Variants in GCC2 observed in about 807,000 individuals in gnomAD.
The protein encoded by GCC2 is GRIP and coiled-coil domain-containing protein 2.
A neutral mutation model predicts 210.6 loss-of-function variants in GCC2; 120 were observed. The observed-to-expected ratio is 0.57, with a 90% CI of 0.49 to 0.66. The LOEUF (loss-of-function observed/expected upper bound fraction) is 0.66, where lower values mean the gene tolerates loss of function less well. Ranked by LOEUF, GCC2 falls within the 30% of genes least tolerant of loss-of-function variation. The pLI is 0.00. For synonymous variants in GCC2, 703 were observed against 652.7 expected, an observed-to-expected ratio of 1.08 and a Z score of -1.17; for missense variants, 1,868 against 1,871.9, an observed-to-expected ratio of 1.00 and a Z score of 0.04.
At chr2:108,507,236 AC>A (rs1683236340) in intron 22 of GCC2, among the ~76,000 whole-genome samples, 1 of 149,514 alleles carries the variant, frequency 6.7e-6, no homozygotes, top group African/African-American at 2.4e-5. Flanking sequence ...CACAAAAAAA[AC>A]AAAAAATTAC....
At chr2:108,500,083 A>G (rs1348102213) in intron 22 of GCC2, among the ~76,000 whole-genome samples, 2 of 152,026 alleles carry the variant, frequency 1.3e-5, no homozygotes, top group African/African-American at 2.4e-5. Context: ...TTTAAAAAAC[A>G]TTTATTAGCT....
intron 9 of GCC2, among the ~76,000 whole-genome samples, chr2:108,476,905 C>T (rs1012483766): frequency 6.6e-6 from 1 of 151,790 alleles, no homozygotes; most frequent in Non-Finnish European, 1.5e-5. Context: ...GGTAATCAGG[C>T]GGGATTTGAT....
rs894451722 is a variant in GCC2 at position 108,471,897 on chromosome 2, C to T, written c.2568C>T (p.Ala856=). The T allele has an allele frequency of 1.9e-6, 3 of 1,603,646 alleles. No homozygotes were observed. Among genetic ancestry groups the T allele is most frequent in the Non-Finnish European group, 8.5e-7 (1 of 1,176,346 alleles). ...AAGAAATACAGTCAGAAAAAGAGGC[C>T]CTGCAGTCTGATCTTCTAGAAATGA... is the stretch of plus-strand genomic sequence containing the variant. ...ELEEIQSEKE[A]LQSDLLEMKN... is the part of the protein sequence containing the mutation. The change falls in exon 6 of 23, where the codon GCC becomes GCT. Residue 856 remains alanine, a synonymous_variant. Coordinates refer to ENST00000309863, the MANE Select transcript of GCC2 (RefSeq NM_181453.4).
chr2:108,506,058 A>T (rs1243340942), intron 22 of GCC2, among the ~76,000 whole-genome samples: 2 of 152,102 alleles, frequency 1.3e-5, no homozygotes, highest in Admixed American at 6.6e-5. Flanking sequence ...TCACACAAAA[A>T]CCTATGCACA....
At chr2:108,486,043 A>T in intron 15 of GCC2, 135 bp downstream of exon 15, 1 of 567,858 alleles carries the variant, frequency 1.8e-6, no homozygotes, top group Non-Finnish European at 3.1e-6. Context: ...TACAACAATA[A>T]ATCAAGTCTG....
chr2:108,487,189 T>A (rs889910014), intron 16 of GCC2, among the ~76,000 whole-genome samples: 4 of 152,202 alleles, frequency 2.6e-5, no homozygotes, highest in Admixed American at 6.5e-5. Flanking sequence ...CTGAGTTAAT[T>A]TTTCTCAAAT....
intron 3 of GCC2, 55 bp from the exon 4 acceptor site, chr2:108,452,344 C>T: frequency 5.5e-6 from 5 of 906,474 alleles, no homozygotes. Context: ...ATCAGTTTCC[C>T]AGTAATTATG....
At chr2:108,450,073 C>T (rs1679845521) in intron 2 of GCC2, 1 of 184,994 alleles carries the variant, frequency 5.4e-6, no homozygotes, top group South Asian at 1.2e-4. Context: ...TTTTATGGCC[C>T]TGTACAATGT....
At chr2:108,477,228 T>C (rs1681588110) in intron 9 of GCC2, among the ~76,000 whole-genome samples, 1 of 152,160 alleles carries the variant, frequency 6.6e-6, no homozygotes, top group Non-Finnish European at 1.5e-5. Flanking sequence ...GTTACAGTAA[T>C]GTGGTAGAAT....
Position 108,483,186 on chromosome 2 carries a change from T to A in GCC2, c.3450+20T>A, listed in dbSNP as rs769829080. The A allele has an allele frequency of 9.1e-7, 1 of 1,094,574 alleles. No homozygotes were observed. Among genetic ancestry groups the A allele is most frequent in the Non-Finnish European group, 1.4e-6 (1 of 713,464 alleles). The allele number at this position is 1,094,574 out of a possible 1,614,324, so 67.8% of individuals were successfully genotyped here. A position where few individuals can be genotyped will look rare whatever the true frequency, so the allele number is the denominator to read the frequency against. ...AAAAAGGTAAAATAAAACACTAGGA[T>A]CAAAATTGATGTAATATTCACATTG... is the stretch of plus-strand genomic sequence containing the variant. On this transcript the variant is annotated intron_variant, in intron 12 of 22. Coordinates refer to ENST00000309863, the MANE Select transcript of GCC2 (RefSeq NM_181453.4).
Position 108,471,121 on chromosome 2 carries a change from G to T in GCC2, c.1792G>T (p.Asp598Tyr). ...AAATTCTCTTACTGAGGAAAAAGAT[G>T]ATTTTATAAATAAACTGAAAAATTC... ...KINSLTEEKD[D>Y]FINKLKNSHE... The change falls in exon 6 of 23, where the codon GAT (aspartate) becomes TAT (tyrosine). Residue 598 changes from aspartate (D) to tyrosine (Y), a missense_variant. Coordinates refer to ENST00000309863, the MANE Select transcript of GCC2 (RefSeq NM_181453.4). The T allele has an allele frequency of 6.3e-7, 1 of 1,587,536 alleles. No individual in the cohort carries two copies. The highest frequency in any genetic ancestry group is 1.1e-5 in the South Asian group (1 of 88,506).
rs930435997 is a variant in GCC2, at chr2:108,488,371, G to C, written c.4052+551G>C. ...GATGTTAAAGTGCACAGTGAAGCCA[G>C]GATATGAGATAATAGGCTAACAGTT... is the stretch of plus-strand genomic sequence containing the variant. On this transcript the variant is annotated intron_variant, in intron 17 of 22. Coordinates refer to ENST00000309863, the MANE Select transcript of GCC2 (RefSeq NM_181453.4). Among the ~76,000 whole-genome samples, 6 of 152,296 alleles carry C rather than the reference G, an allele frequency of 3.9e-5. 1 individual carries two copies. Among genetic ancestry groups the C allele is most frequent in the African/African-American group, 4.8e-5 (2 of 41,562 alleles).
At chr2:108,484,012 T>G (rs1682003602) in intron 12 of GCC2, 137 bp from the exon 13 acceptor site, 1 of 459,466 alleles carries the variant, frequency 2.2e-6, no homozygotes, top group Non-Finnish European at 3.9e-6. Flanking sequence ...TTTGTTACAG[T>G]GTAAACAATT....
intron 22 of GCC2, among the ~76,000 whole-genome samples, chr2:108,503,374 A>G (rs1478061378): frequency 6.6e-6 from 1 of 152,230 alleles, no homozygotes; most frequent in African/African-American, 2.4e-5. Context: ...CTGGAAAACA[A>G]AAACTTTAAG....
At chr2:108,449,328 G>T in intron 1 of GCC2, 48 bp downstream of exon 1, 5 of 1,540,382 alleles carry the variant, frequency 3.2e-6, no homozygotes, top group Non-Finnish European at 3.5e-6. Context: ...TCCGCGCCGC[G>T]ATTTGGGATG....
intron 4 of GCC2, among the ~76,000 whole-genome samples, chr2:108,465,437 A>C (rs1680829220): frequency 6.6e-6 from 1 of 152,190 alleles, no homozygotes; most frequent in Non-Finnish European, 1.5e-5. Context: ...CTGAGACTTT[A>C]GTGCACCCAT....
At chr2:108,453,251 T>G (rs1485846401) in intron 4 of GCC2, among the ~76,000 whole-genome samples, 2 of 152,244 alleles carry the variant, frequency 1.3e-5, no homozygotes, top group Non-Finnish European at 2.9e-5. Flanking sequence ...CTTTTGACTT[T>G]AGAGACACTT....
chr2:108,484,366 T>C lies in GCC2; in HGVS notation c.3613+55T>C, dbSNP rs1464397291. On this transcript the variant is annotated intron_variant, in intron 13 of 22. Coordinates refer to ENST00000309863, the MANE Select transcript of GCC2 (RefSeq NM_181453.4). ...TAATTATTTCATCATAACAACTTGA[T>C]TTGGTGGGGGGCATTACTTGTTTAT... The C allele has an allele frequency of 1.0e-5, 10 of 998,370 alleles. No homozygotes were observed. In the East Asian group the frequency reaches 2.4e-4, roughly 24 times the overall value. The allele number at this position is 998,370 out of a possible 1,614,324, so 61.8% of individuals were successfully genotyped here. A position where few individuals can be genotyped will look rare whatever the true frequency, so the allele number is the denominator to read the frequency against.
At chr2:108,450,610 G>A (rs2718752) in intron 2 of GCC2, among the ~76,000 whole-genome samples, 34,071 of 152,210 alleles carry the variant, frequency 0.22, 4,232 homozygotes, top group African/African-American at 0.32. Flanking sequence ...GGCCGGGCGC[G>A]GTGGGTCACG....
Sources: gnomAD v4.1 joint callset for allele counts (sites outside exome capture counted in the v4.1 genomes callset) on GRCh38, gnomAD v4.1.1 for gene constraint, MANE v1.5 for transcripts, NCBI Gene and HGNC (gene_info 2026-07-23, HGNC 2026-07-21) for gene names.